DNAH11: variants seen among roughly 807,000 people sequenced by gnomAD.
DNAH11 encodes dynein axonemal heavy chain 11.
Under a neutral mutation model 526.0 loss-of-function variants are expected in DNAH11, and 442 were observed. The ratio of observed to expected loss-of-function variants is 0.84; its 90% confidence interval spans 0.78 to 0.91. The LOEUF (loss-of-function observed/expected upper bound fraction) is 0.91. DNAH11 is among the 40% of genes least tolerant of loss of function. DNAH11 has a pLI of 0.00. For synonymous variants in DNAH11, 2,461 were observed against 1,935.9 expected (o/e 1.27, Z -7.12); for missense variants, 6,989 against 5,448.7 (o/e 1.28, Z -8.90).
At chr7:21,706,765 C>G (rs193182913) in intron 39 of DNAH11, among the ~76,000 whole-genome samples, 2 of 152,312 alleles carry the variant, frequency 1.3e-5, no homozygotes, top group Admixed American at 1.3e-4. Context: ...CTTATCATTT[C>G]AAAGTGTTTG....
intron 39 of DNAH11, among the ~76,000 whole-genome samples, chr7:21,706,794 T>C (rs140957953): frequency 6.6e-6 from 1 of 152,370 alleles, no homozygotes; most frequent in Non-Finnish European, 1.5e-5. Context: ...TTATCAGTTT[T>C]TCACAACCCT....
intron 35 of DNAH11, among the ~76,000 whole-genome samples, chr7:21,692,613 G>A (rs1187581823): frequency 6.6e-6 from 1 of 152,158 alleles, no homozygotes; most frequent in Non-Finnish European, 1.5e-5. Flanking sequence ...GGGCTATTAT[G>A]AATAAAGCGG....
chr7:21,794,624 A>G (rs1433901481), intron 61 of DNAH11, among the ~76,000 whole-genome samples: 13 of 152,094 alleles, frequency 8.5e-5, no homozygotes, highest in Non-Finnish European at 1.0e-4. Context: ...TGTGCCTTGT[A>G]CAGTGTGGTG....
At position 21,895,131 on chromosome 7, in the gene DNAH11, T is replaced by C. The variant is rs1019499208; in HGVS notation, c.13049+132T>C. 25 of 725,000 alleles carry C rather than the reference T, an allele frequency of 3.4e-5. No homozygotes were observed. The East Asian group carries it at 6.3e-4, about 18-fold the overall frequency. The allele number at this position is 725,000 out of a possible 1,614,324, so 44.9% of individuals were successfully genotyped here. A position where few individuals can be genotyped will look rare whatever the true frequency, so the allele number is the denominator to read the frequency against. On this transcript the variant is annotated intron_variant, in intron 79 of 81. Transcript: ENST00000409508. ...TTCTCAACCTGTAACCGTAAAAAATTCTTCCACCAATTTCATTTGAGTTTA... is the reference window on the plus strand; with the variant it reads ...TTCTCAACCTGTAACCGTAAAAAATCCTTCCACCAATTTCATTTGAGTTTA...
intron 14 of DNAH11, among the ~76,000 whole-genome samples, chr7:21,593,113 C>T (rs1784746212): frequency 6.6e-6 from 1 of 152,058 alleles, no homozygotes; most frequent in Non-Finnish European, 1.5e-5. Flanking sequence ...GCCTCGAAGT[C>T]CTCCCTAGGT....
rs542206412 is a variant in DNAH11 at position 21,641,899 on chromosome 7, G to GT, written c.4944+2837dup. On this transcript the variant is annotated intron_variant, in intron 28 of 81. Transcript: ENST00000409508. Reference sequence around the variant, plus strand: ...AATGAATGACTAGATTATATAAGACGTTTGAAACATTTGAAATTATGATGA... The same window carrying GT: ...AATGAATGACTAGATTATATAAGACGTTTTGAAACATTTGAAATTATGATGA... Among the ~76,000 whole-genome samples, 211 of 152,192 alleles carry GT rather than the reference G, an allele frequency of 1.4e-3. 1 individual carries two copies. Among genetic ancestry groups the GT allele is most frequent in the African/African-American group, 4.9e-3 (204 of 41,516 alleles).
chr7:21,656,654 T>C, intron 29 of DNAH11, among the ~76,000 whole-genome samples: 1 of 152,186 alleles, frequency 6.6e-6, no homozygotes, highest in East Asian at 1.9e-4. Flanking sequence ...CTTGCGTAGC[T>C]TGGGTTAATC....
At chr7:21,729,257 T>G (rs1785269352) in intron 45 of DNAH11, among the ~76,000 whole-genome samples, 1 of 152,210 alleles carries the variant, frequency 6.6e-6, no homozygotes, top group South Asian at 2.1e-4. Context: ...TTGTCCTGTT[T>G]CCATCCTCTT....
At chr7:21,714,424 A>G (rs1020885276) in intron 42 of DNAH11, among the ~76,000 whole-genome samples, 3 of 152,216 alleles carry the variant, frequency 2.0e-5, no homozygotes, top group East Asian at 3.8e-4. Flanking sequence ...TAAACTTTCA[A>G]TAAGTCACGA....
At chr7:21,562,983 T>C (rs1429043248) in intron 5 of DNAH11, among the ~76,000 whole-genome samples, 1 of 152,146 alleles carries the variant, frequency 6.6e-6, no homozygotes, top group Non-Finnish European at 1.5e-5. Flanking sequence ...AACTAGAATT[T>C]ACTTGACTTT....
chr7:21,865,370 A>G (rs184826861), intron 70 of DNAH11, among the ~76,000 whole-genome samples: 3 of 152,356 alleles, frequency 2.0e-5, no homozygotes, highest in Admixed American at 1.3e-4. Context: ...AGAATTCAAA[A>G]TTCAAATTCA....
intron 28 of DNAH11, among the ~76,000 whole-genome samples, chr7:21,640,567 A>G (rs189718019): frequency 6.6e-6 from 1 of 151,416 alleles, no homozygotes; most frequent in East Asian, 1.9e-4. Flanking sequence ...GGTTTATTGA[A>G]TAATATTAAT....
At chr7:21,740,749 A>G (rs1785844633) in intron 48 of DNAH11, among the ~76,000 whole-genome samples, 2 of 152,182 alleles carry the variant, frequency 1.3e-5, no homozygotes, top group Admixed American at 1.3e-4. Context: ...CAGCAATACA[A>G]TTGCTGCATC....
intron 49 of DNAH11, among the ~76,000 whole-genome samples, chr7:21,743,883 AGAGTAAGCTGCCT>A (rs1786030435): frequency 6.6e-6 from 1 of 152,166 alleles, no homozygotes; most frequent in Admixed American, 6.5e-5. Flanking sequence ...CTGTGCATCC[AGAGTAAGCTGCCT>A]CTCTCCATGA....
chr7:21,553,949 T>G (rs1157365124), intron 2 of DNAH11, among the ~76,000 whole-genome samples: 1 of 152,128 alleles, frequency 6.6e-6, no homozygotes, highest in Non-Finnish European at 1.5e-5. Flanking sequence ...TCTTACAAAG[T>G]TAACCTTCAA....
Position 21,892,612 on chromosome 7 carries a change from T to A in DNAH11, c.12695T>A (p.Met4232Lys), listed in dbSNP as rs1018422985. 2 of 1,613,704 alleles carry A rather than the reference T, an allele frequency of 1.2e-6. No individual in the cohort carries two copies. Among genetic ancestry groups the A allele is most frequent in the Non-Finnish European group, 1.7e-6 (2 of 1,179,690 alleles). Reference sequence around the variant, plus strand: ...ACTCTCTTCAGAACTTTGCTGGAGATGCAGCCCAGGAATGCACTCAGTGGT... The same window carrying A: ...ACTCTCTTCAGAACTTTGCTGGAGAAGCAGCCCAGGAATGCACTCAGTGGT... ...SNTLFRTLLEMQPRNALSGDE... is the reference protein window; with the variant it reads ...SNTLFRTLLEKQPRNALSGDE... The change falls in exon 77 of 82, where the codon ATG (methionine) becomes AAG (lysine). Residue 4232 changes from methionine to lysine, a missense_variant. Met to Lys is a moderately conservative substitution (Grantham distance 95). Coordinates refer to ENST00000409508, the MANE Select transcript of DNAH11 (RefSeq NM_001277115.2).
chr7:21,614,958 T>C (rs1349218494), intron 20 of DNAH11, among the ~76,000 whole-genome samples, 156 bp from the exon 21 acceptor site: 1 of 152,254 alleles, frequency 6.6e-6, no homozygotes, highest in Non-Finnish European at 1.5e-5. Flanking sequence ...TTTGCTCTTC[T>C]AAAACCTACA....
At chr7:21,614,212 A>G (rs746233749) in intron 20 of DNAH11, among the ~76,000 whole-genome samples, 1 of 152,232 alleles carries the variant, frequency 6.6e-6, no homozygotes, top group Admixed American at 6.5e-5. Flanking sequence ...CTAAAGTAAT[A>G]CAATTGTTGG....
In DNAH11 at chr7:21,760,317, T is replaced by G. The variant is rs1305874685; in HGVS notation, c.8941-5111T>G. On this transcript the variant is annotated intron_variant, in intron 54 of 81. Transcript: ENST00000409508. ...AATAAGGAGACGCACACACCAAGCC[T>G]TACAACCTGCTCTATAGATGAGTTT... is the stretch of plus-strand genomic sequence containing the variant. Among the ~76,000 whole-genome samples the G allele has an allele frequency of 6.6e-5, 10 of 152,186 alleles. No homozygotes were observed. In the South Asian group the frequency reaches 1.7e-3, roughly 25 times the overall value.
Sources: gnomAD v4.1 joint callset for allele counts (sites outside exome capture counted in the v4.1 genomes callset) on GRCh38, gnomAD v4.1.1 for gene constraint, MANE v1.5 for transcripts, NCBI Gene and HGNC (gene_info 2026-07-23, HGNC 2026-07-21) for gene names.